The following EXD1 variants were observed in gnomAD, a reference collection of about 807,000 sequenced individuals.
EXD1 encodes exonuclease 3'-5' domain containing 1, also known as piRNA biogenesis protein EXD1.
In EXD1, 63 loss-of-function variants were observed where a neutral mutation model predicts 49.1. That is an observed-to-expected ratio of 1.28 (90% CI 1.05 to 1.58). The LOEUF (loss-of-function observed/expected upper bound fraction) is 1.58, where lower values mean the gene tolerates loss of function less well. Ranked by LOEUF, EXD1 falls within the 40% of genes most tolerant of loss-of-function variation. The pLI, the probability that EXD1 is intolerant of heterozygous loss-of-function variation, is 0.00. For synonymous variants in EXD1, 234 were observed against 239.2 expected, an observed-to-expected ratio of 0.98 and a Z score of 0.20; for missense variants, 748 against 666.0, an observed-to-expected ratio of 1.12 and a Z score of -1.36.
At position 41,207,110 on chromosome 15, in the gene EXD1, G is replaced by A. The variant is rs371346106; in HGVS notation, c.534+2391C>T. 4.0e-3 allele frequency among the ~76,000 whole-genome samples: 604 copies of A among 150,934 alleles called. 7 individuals are homozygous for A. The highest frequency in any genetic ancestry group is 0.013 in the African/African-American group (532 of 41,182). ...ACAAAAATTACCCGAGCGTGGTGGCGGGAGCCTGTAGTCCCAGCTACTCGG... is the reference window on the plus strand; with the variant it reads ...ACAAAAATTACCCGAGCGTGGTGGCAGGAGCCTGTAGTCCCAGCTACTCGG... On this transcript the variant is annotated intron_variant, in intron 7 of 11. Coordinates refer to ENST00000458580, the MANE Select transcript of EXD1 (RefSeq NM_001286441.2).
intron 7 of EXD1, among the ~76,000 whole-genome samples, chr15:41,199,747 TTA>T (rs1333211806): frequency 2.0e-5 from 2 of 99,760 alleles, no homozygotes; most frequent in African/African-American, 8.0e-5. Context: ...ATGTCATATA[TTA>T]TATATGATAC....
chr15:41,202,164 A>ATT (rs1443287437), intron 7 of EXD1, among the ~76,000 whole-genome samples: 61 of 132,430 alleles, frequency 4.6e-4, no homozygotes, highest in African/African-American at 1.9e-3. Flanking sequence ...ATATATATAT[A>ATT]TATTTTTTTT....
At chr15:41,230,168 C>T (rs2140914772) in intron 1 of EXD1, among the ~76,000 whole-genome samples, 1 of 150,354 alleles carries the variant, frequency 6.7e-6, no homozygotes, top group East Asian at 2.0e-4. Flanking sequence ...ACTGCAACCT[C>T]CGCCTCCCGG....
chr15:41,195,733 G>T (rs770217755), intron 9 of EXD1, 42 bp downstream of exon 9: 1 of 1,500,984 alleles, frequency 6.7e-7, no homozygotes, highest in Non-Finnish European at 9.0e-7. Context: ...ATCTACAGGA[G>T]CTGTATATAC....
At chr15:41,208,622 C>CAT (rs1181803392) in intron 7 of EXD1, among the ~76,000 whole-genome samples, 1 of 151,828 alleles carries the variant, frequency 6.6e-6, no homozygotes, top group Non-Finnish European at 1.5e-5. Flanking sequence ...TGTGGTGGCG[C>CAT]ATGCCTATAG....
chr15:41,191,487 G>T lies in EXD1; in HGVS notation c.819C>A (p.Ala273=), dbSNP rs570889742. The T allele has an allele frequency of 6.2e-7, 1 of 1,612,854 alleles. No homozygotes were observed. The highest frequency in any genetic ancestry group is 1.1e-5 in the South Asian group (1 of 91,046). ...QESLIKHLQV[A]PKYLSFLEKR... is the part of the protein sequence containing the mutation. ...TTTCTAGAAAGGAGAGATATTTAGGGGCTACTTGAAGGTGTTTGATTAAAC... is the reference window on the plus strand; with the variant it reads ...TTTCTAGAAAGGAGAGATATTTAGGTGCTACTTGAAGGTGTTTGATTAAAC... The change falls in exon 10 of 12, where the codon GCC becomes GCA. Residue 273 remains alanine (A), a synonymous_variant. Coordinates refer to ENST00000458580, the MANE Select transcript of EXD1 (RefSeq NM_001286441.2).
At chr15:41,201,485 A>ATTT (rs10618622) in intron 7 of EXD1, among the ~76,000 whole-genome samples, 1 of 89,188 alleles carries the variant, frequency 1.1e-5, no homozygotes, top group Non-Finnish European at 2.2e-5. Context: ...AGAATTCTAG[A>ATTT]TTTTTTTTTT....
At chr15:41,204,022 G>A (rs1203048504) in intron 7 of EXD1, among the ~76,000 whole-genome samples, 12 of 151,090 alleles carry the variant, frequency 7.9e-5, no homozygotes, top group African/African-American at 2.7e-4. Context: ...AAGGAAGGAG[G>A]ATCACTTGAG....
intron 1 of EXD1, among the ~76,000 whole-genome samples, chr15:41,226,872 A>G (rs1039574976): frequency 6.6e-6 from 1 of 152,228 alleles, no homozygotes; most frequent in Non-Finnish European, 1.5e-5. Context: ...GCATGATATC[A>G]TCTTTCCTTC....
At chr15:41,186,892 T>A in intron 11 of EXD1, among the ~76,000 whole-genome samples, 1 of 146,036 alleles carries the variant, frequency 6.8e-6, no homozygotes, top group African/African-American at 2.7e-5. Context: ...CTTTTTTTTT[T>A]TCTTTTTTTT....
rs574529537 is a variant in EXD1, at chr15:41,182,787, A to G, written c.*1144T>C. 55 of 152,312 alleles carry G rather than the reference A, an allele frequency of 3.6e-4. No individual in the cohort carries two copies. The highest frequency in any genetic ancestry group is 1.1e-3 in the African/African-American group (47 of 41,574). The allele number at this position is 152,312 out of a possible 1,614,324, so 9.4% of individuals were successfully genotyped here. A position where few individuals can be genotyped will look rare whatever the true frequency, so the allele number is the denominator to read the frequency against. On this transcript the variant is annotated 3_prime_UTR_variant, in exon 12 of 12. Transcript: ENST00000458580. ...TGGTTATTTTACACAAAAGAATGTT[A>G]GCAATTTGCAAGCATTCAATACTTT...
At chr15:41,188,279 C>T (rs2140803843) in intron 11 of EXD1, among the ~76,000 whole-genome samples, 1 of 152,006 alleles carries the variant, frequency 6.6e-6, no homozygotes, top group Admixed American at 6.6e-5. Context: ...CTATAGTTTG[C>T]CAAATCCTGA....
At chr15:41,227,927 G>A (rs2047187952) in intron 1 of EXD1, among the ~76,000 whole-genome samples, 1 of 151,818 alleles carries the variant, frequency 6.6e-6, no homozygotes, top group African/African-American at 2.4e-5. Flanking sequence ...ACGCACACCT[G>A]TAATCCTAGC....
rs914218474 is a variant in EXD1 at position 41,200,162 on chromosome 15, G to A, written c.535-4125C>T. Among the ~76,000 whole-genome samples, 4 of 151,806 alleles carry A rather than the reference G, an allele frequency of 2.6e-5. No individual in the cohort carries two copies. In the South Asian group the frequency reaches 6.2e-4, roughly 24 times the overall value. ...GGAGCTCAAGTGATCCGCCTGCCTC[G>A]GCCTCCCTAAGCGCTAGAAGTACAT... On this transcript the variant is annotated intron_variant, in intron 7 of 11. Transcript: ENST00000458580.
At chr15:41,218,556 C>T (rs1400541034) in intron 3 of EXD1, among the ~76,000 whole-genome samples, 1 of 151,500 alleles carries the variant, frequency 6.6e-6, no homozygotes, top group African/African-American at 2.4e-5. Context: ...CAATGAATTC[C>T]GTGCATACAG....
At chr15:41,230,432 T>C (rs751623411) in intron 1 of EXD1, 47 bp downstream of exon 1, 1 of 1,586,648 alleles carries the variant, frequency 6.3e-7, no homozygotes, top group Admixed American at 1.7e-5. Context: ...AAATGCAAAA[T>C]TTCTCATTTT....
At chr15:41,198,480 C>A (rs2046650884) in intron 7 of EXD1, among the ~76,000 whole-genome samples, 1 of 151,898 alleles carries the variant, frequency 6.6e-6, no homozygotes. Flanking sequence ...TCTCTTGAAC[C>A]CAGGAGTTCA....
At chr15:41,216,863 C>A in intron 4 of EXD1, 68 bp from the exon 5 acceptor site, 1 of 1,592,560 alleles carries the variant, frequency 6.3e-7, no homozygotes, top group Non-Finnish European at 8.5e-7. Context: ...ACAGATTTTG[C>A]CACACATTAA....
chr15:41,200,415 C>T (rs947930876), intron 7 of EXD1, among the ~76,000 whole-genome samples: 2 of 151,950 alleles, frequency 1.3e-5, no homozygotes, highest in South Asian at 2.1e-4. Context: ...CCCAGCTAGT[C>T]GGGAGGCTGA....
Sources: allele counts gnomAD v4.1 joint callset (sites outside exome capture counted in the v4.1 genomes callset), GRCh38; gene constraint gnomAD v4.1.1; transcripts MANE v1.5; gene names NCBI Gene and HGNC (gene_info 2026-07-23, HGNC 2026-07-21).